WDR7: variants seen among roughly 807,000 people sequenced by gnomAD.
WDR7 encodes WD repeat domain 7, also known as WD repeat-containing protein 7.
A neutral mutation model predicts 169.4 loss-of-function variants in WDR7; 46 were observed. The ratio of observed to expected loss-of-function variants is 0.27; its 90% CI spans 0.21 to 0.35. The LOEUF (loss-of-function observed/expected upper bound fraction) is 0.35, where lower values mean the gene tolerates loss of function less well. Among genes scored for constraint, WDR7 ranks in the 10% least tolerant of loss-of-function variants. The pLI, the probability that WDR7 is intolerant of heterozygous loss-of-function variation, is 1.00. For missense variants in WDR7, 1,534 were observed against 1,859.3 expected (o/e 0.83, Z 3.22); for synonymous variants, 612 against 666.8 (o/e 0.92, Z 1.27).
intron 19 of WDR7, among the ~76,000 whole-genome samples, chr18:56,797,405 C>T (rs1231120107): frequency 1.3e-5 from 2 of 152,182 alleles, no homozygotes; most frequent in African/African-American, 2.4e-5. Flanking sequence ...AAATGGAAAA[C>T]TTATCTCTAA....
In WDR7 at chr18:56,986,128, T is replaced by TTGTG. The variant is rs60449836; in HGVS notation, c.4164+23647_4164+23650dup. On this transcript the variant is annotated intron_variant, in intron 26 of 27. Coordinates refer to ENST00000254442, the MANE Select transcript of WDR7 (RefSeq NM_015285.3). ...TATAATAGAGCTAATTTCAGCTTCT[T>TTGTG]TGTGTGTGTGTGTGTGTGTGTGTGT... Among the ~76,000 whole-genome samples, 915 of 136,324 alleles carry TTGTG rather than the reference T, an allele frequency of 6.7e-3. 3 individuals carry two copies. Among genetic ancestry groups the TTGTG allele is most frequent in the African/African-American group, 0.017 (620 of 36,564 alleles). 89.4% of individuals were successfully genotyped at this position (136,324 alleles called of 152,430 possible).
intron 1 of WDR7, among the ~76,000 whole-genome samples, chr18:56,665,647 A>C (rs2025004243): frequency 6.6e-6 from 1 of 152,216 alleles, no homozygotes; most frequent in Admixed American, 6.5e-5. Flanking sequence ...GTGGACATTG[A>C]AGTTCTTTCC....
rs966639641 is a variant in WDR7, at chr18:56,930,052, C to T, written c.3714-5736C>T. Among the ~76,000 whole-genome samples, 8 of 152,258 alleles carry T rather than the reference C, an allele frequency of 5.3e-5. 1 individual carries two copies. The Middle Eastern group carries it at 0.01, about 194-fold the overall frequency. The stretch of plus-strand genomic sequence containing the variant: ...CTGAAAGAGAACAGTGGAGCAGTGC[C>T]GGCCCAGCTGCTGAAGGGGCCGGGC... On this transcript the variant is annotated intron_variant, in intron 22 of 27. Coordinates refer to ENST00000254442, the MANE Select transcript of WDR7 (RefSeq NM_015285.3).
chr18:56,951,964 T>C (rs1283747623), intron 25 of WDR7, among the ~76,000 whole-genome samples: 1 of 152,238 alleles, frequency 6.6e-6, no homozygotes, highest in African/African-American at 2.4e-5. Context: ...ACCCATTATA[T>C]GTTAACATAA....
At chr18:56,851,368 C>A (rs1415489694) in intron 20 of WDR7, among the ~76,000 whole-genome samples, 2 of 152,144 alleles carry the variant, frequency 1.3e-5, no homozygotes, top group African/African-American at 4.8e-5. Context: ...ATCTCCTACT[C>A]ATCTCACGAC....
chr18:56,867,521 CA>C (rs1415644792), intron 20 of WDR7, among the ~76,000 whole-genome samples: 1 of 152,026 alleles, frequency 6.6e-6, no homozygotes, highest in African/African-American at 2.4e-5. Flanking sequence ...CCTAATGATT[CA>C]AATCATTGGG....
chr18:56,901,804 A>G (rs1030940418), intron 21 of WDR7, among the ~76,000 whole-genome samples: 4 of 152,038 alleles, frequency 2.6e-5, no homozygotes, highest in African/African-American at 9.7e-5. Flanking sequence ...AGAAAAGGCA[A>G]CCTAGTTGCA....
chr18:56,814,373 T>C (rs1599066748), intron 19 of WDR7, among the ~76,000 whole-genome samples: 2 of 152,316 alleles, frequency 1.3e-5, no homozygotes, highest in African/African-American at 4.8e-5. Flanking sequence ...ATTTCAAAGA[T>C]TTATATATTG....
intron 21 of WDR7, among the ~76,000 whole-genome samples, chr18:56,896,216 TAGG>T (rs2046330509): frequency 6.6e-6 from 1 of 151,886 alleles, no homozygotes; most frequent in Non-Finnish European, 1.5e-5. Flanking sequence ...TTTTTGTGAC[TAGG>T]AGTACTGAAT....
At chr18:56,968,035 C>T (rs1049676639) in intron 26 of WDR7, among the ~76,000 whole-genome samples, 1 of 151,864 alleles carries the variant, frequency 6.6e-6, no homozygotes, top group Admixed American at 6.6e-5. Flanking sequence ...ACAGACTGTA[C>T]TATGTCACTT....
chr18:56,808,388 T>C (rs2044812030), intron 19 of WDR7, among the ~76,000 whole-genome samples: 1 of 152,180 alleles, frequency 6.6e-6, no homozygotes, highest in Admixed American at 6.6e-5. Context: ...ATATCTGCCA[T>C]TCTTTTGGAT....
In WDR7 at chr18:56,781,549, A is replaced by G; in HGVS notation, c.3083A>G (p.Gln1028Arg). ...TGGTCTTAGGTGAGAGAAGCCGCGC[A>G]GGCCCTGCTTCTGGCGGAACTGAGA... is the stretch of plus-strand genomic sequence containing the variant. ...DRCLEVREAA[Q>R]ALLLAELRRI... Residue 1028 changes from glutamine to arginine, a missense_variant, in exon 19 of 28, where the codon CAG (glutamine) becomes CGG (arginine). Transcript: ENST00000254442. The G allele has an allele frequency of 1.2e-6, 2 of 1,608,738 alleles. No homozygotes were observed. The highest frequency in any genetic ancestry group is 2.2e-5 in the East Asian group (1 of 44,456).
rs573688546 is a variant in WDR7 at position 56,717,864 on chromosome 18, C to T, written c.1579-100C>T. On this transcript the variant is annotated intron_variant, in intron 12 of 27. Coordinates refer to ENST00000254442, the MANE Select transcript of WDR7 (RefSeq NM_015285.3). ...TAATATTGTGGTGGTTTTTCAGTGG[C>T]AGCAAATGTATAATTAATTTTGCCT... is the stretch of plus-strand genomic sequence containing the variant. 3 of 1,174,484 alleles carry T rather than the reference C, an allele frequency of 2.6e-6. No individual in the cohort carries two copies. The African/African-American group carries it at 4.7e-5, about 19-fold the overall frequency. 72.8% of individuals were successfully genotyped at this position (1,174,484 alleles called of 1,614,324 possible). A position where few individuals can be genotyped will look rare whatever the true frequency, so the allele number is the denominator to read the frequency against.
chr18:56,902,410 A>G (rs1002022152), intron 21 of WDR7, among the ~76,000 whole-genome samples: 3 of 152,172 alleles, frequency 2.0e-5, no homozygotes, highest in Non-Finnish European at 4.4e-5. Context: ...TAATGTGCTT[A>G]TTTAAAAGCT....
At chr18:56,937,520 C>CGT (rs2046976682) in intron 23 of WDR7, among the ~76,000 whole-genome samples, 1 of 152,168 alleles carries the variant, frequency 6.6e-6, no homozygotes, top group African/African-American at 2.4e-5. Flanking sequence ...ATGCCTACTA[C>CGT]CTTATGGCTC....
rs527342124 is a variant in WDR7, at chr18:57,007,191, C to G, written c.4165-13554C>G. Among the ~76,000 whole-genome samples the G allele has an allele frequency of 6.2e-4, 94 of 152,122 alleles. 1 individual carries two copies. The highest frequency in any genetic ancestry group is 1.5e-3 in the African/African-American group (64 of 41,522). ...AGACGGGGTTTCACCATGTTAGCCACGATAGTCTCGATCTCCTGACCTCGT... is the reference window on the plus strand; with the variant it reads ...AGACGGGGTTTCACCATGTTAGCCAGGATAGTCTCGATCTCCTGACCTCGT... On this transcript the variant is annotated intron_variant, in intron 26 of 27. Transcript: ENST00000254442.
rs759253993 is a variant in WDR7 at position 56,758,946 on chromosome 18, T to A, written c.2841T>A (p.Ile947=). Residue 947 remains isoleucine (I), a synonymous_variant, in exon 16 of 28, where the codon ATT becomes ATA. Transcript: ENST00000254442. ...PTSSNIVQGQ[I]KQVAAPVVSA... ...CCAGTAATATTGTGCAAGGACAGAT[T>A]AAACAAGGTAAAATTAAATCTTATT... The A allele has an allele frequency of 6.2e-7, 1 of 1,610,070 alleles. No homozygotes were observed. The highest frequency in any genetic ancestry group is 1.7e-5 in the Admixed American group (1 of 59,636).
chr18:56,835,135 T>C (rs2145300845), intron 20 of WDR7, among the ~76,000 whole-genome samples: 1 of 152,280 alleles, frequency 6.6e-6, no homozygotes, highest in African/African-American at 2.4e-5. Flanking sequence ...AGAGGGTATG[T>C]TCAAAAGTAG....
chr18:56,914,979 G>A (rs1191007014), intron 21 of WDR7, among the ~76,000 whole-genome samples: 1 of 152,134 alleles, frequency 6.6e-6, no homozygotes, highest in Non-Finnish European at 1.5e-5. Context: ...TTATAGGACA[G>A]GAAATAGCTA....
Sources: allele counts gnomAD v4.1 joint callset (sites outside exome capture counted in the v4.1 genomes callset), GRCh38; gene constraint gnomAD v4.1.1; transcripts MANE v1.5; gene names NCBI Gene and HGNC (gene_info 2026-07-23, HGNC 2026-07-21).